Variants in SIX5 observed in about 807,000 individuals in gnomAD.
SIX5 encodes the protein SIX homeobox 5, also known as homeobox protein SIX5.
SIX5 carries 21 observed loss-of-function variants against 37.1 expected under a neutral mutation model. The observed-to-expected ratio is 0.57, with a 90% CI of 0.40 to 0.81. SIX5 has a LOEUF of 0.81. SIX5 is among the 40% of genes least tolerant of loss of function. SIX5 has a pLI of 0.00. For missense variants in SIX5, 1,137 were observed against 1,025.1 expected, an observed-to-expected ratio of 1.11 and a Z score of -1.49; for synonymous variants, 626 against 505.9, an observed-to-expected ratio of 1.24 and a Z score of -3.19.
chr19:45,766,046 C>G lies in SIX5; in HGVS notation c.1675G>C (p.Gly559Arg), dbSNP rs374039470. The G allele has an allele frequency of 1.2e-6, 2 of 1,611,658 alleles. No homozygotes were observed. Among genetic ancestry groups the G allele is most frequent in the African/African-American group, 1.3e-5 (1 of 74,862 alleles). Reference sequence around the variant, plus strand: ...AAGGTGGCGGTGAGGATGATCTTGCCCTGCTGCAGGGCCACACCCGTCACG... The same window carrying G: ...AAGGTGGCGGTGAGGATGATCTTGCGCTGCTGCAGGGCCACACCCGTCACG... ...PIVTGVALQQ[G>R]KIILTATFPT... The change falls in exon 3 of 3, where the codon GGC becomes CGC. Residue 559 changes from glycine to arginine, a missense_variant. By Grantham distance (125) the Gly-to-Arg change is moderately radical (BLOSUM62 -2). Coordinates refer to ENST00000317578, the MANE Select transcript of SIX5 (RefSeq NM_175875.5).
At chr19:45,767,763 GC>G (rs972814120) in intron 1 of SIX5, 3 of 538,268 alleles carry the variant, frequency 5.6e-6, no homozygotes, top group Non-Finnish European at 9.8e-6. Context: ...TCCCTCTAGT[GC>G]CCCCCGCAGT....
intron 1 of SIX5, 172 bp downstream of exon 1, chr19:45,767,870 G>T: frequency 1.5e-6 from 1 of 672,610 alleles, no homozygotes; most frequent in Non-Finnish European, 2.5e-6. Context: ...GCGGGTGCCT[G>T]TCCCGTCCAC....
Position 45,766,573 on chromosome 19 carries a change from A to G in SIX5, c.1386T>C (p.Tyr462=). ...QVVPLSPPPG[Y]PTGLSPTSPL... ...GGGAGGTGGGGCTCAGGCCCGTGGG[A>G]TACCCCGGGGGTGGGGAGAGCGGTA... Residue 462 remains tyrosine, a synonymous_variant, in exon 2 of 3, where the codon TAT becomes TAC. Transcript: ENST00000317578. 3 of 1,473,486 alleles carry G rather than the reference A, an allele frequency of 2.0e-6. No homozygotes were observed. Among genetic ancestry groups the G allele is most frequent in the Middle Eastern group, 1.8e-4 (1 of 5,562 alleles). The allele number at this position is 1,473,486 out of a possible 1,614,324, so 91.3% of individuals were successfully genotyped here.
chr19:45,766,190 TGGAGGGCGGGC>T, intron 2 of SIX5, 79 bp from the exon 3 acceptor site: 2 of 1,542,230 alleles, frequency 1.3e-6, no homozygotes, highest in East Asian at 4.8e-5. Context: ...ACTGTGCAGC[TGGAGGGCGGGC>T]GGAGGGAGCC....
In SIX5 at chr19:45,768,925, CT is replaced by C. The variant is rs1969161613; in HGVS notation, c.-82del. ...CAGCCTCCTCCCCCACCTGTCCCCC[CT>C]TTTCGCCCCCACTCCCCGCTCTTCT... On this transcript the variant is annotated 5_prime_UTR_variant, in exon 1 of 3. Coordinates refer to ENST00000317578, the MANE Select transcript of SIX5 (RefSeq NM_175875.5). The C allele has an allele frequency of 7.5e-7, 1 of 1,328,146 alleles. No individual in the cohort carries two copies. Among genetic ancestry groups the C allele is most frequent in the African/African-American group, 1.5e-5 (1 of 67,460 alleles). The allele number at this position is 1,328,146 out of a possible 1,614,324, so 82.3% of individuals were successfully genotyped here.
rs747451007 is a variant in SIX5, at chr19:45,765,977, C to T, written c.1744G>A (p.Gly582Ser). 6.3e-6 allele frequency: 10 copies of T among 1,587,576 alleles called. No homozygotes were observed. Among genetic ancestry groups the T allele is most frequent in the Admixed American group, 1.8e-5 (1 of 57,088 alleles). ...TCTGGCTTCAGTGGCAGGGCCAGGCCGGGGGCTGGCGGCAGGACCTGGGAG... is the reference window on the plus strand; with the variant it reads ...TCTGGCTTCAGTGGCAGGGCCAGGCTGGGGGCTGGCGGCAGGACCTGGGAG... ...LVSQVLPPAP[G>S]LALPLKPETA... Residue 582 changes from glycine (G) to serine (S), a missense_variant, in exon 3 of 3, where the codon GGC becomes AGC. Gly to Ser is a moderately conservative substitution (Grantham distance 56). Transcript: ENST00000317578.
Position 45,767,100 on chromosome 19 carries a change from G to C in SIX5, c.859C>G (p.Leu287Val), listed in dbSNP as rs1891836784. Residue 287 changes from leucine to valine, a missense_variant, in exon 2 of 3, where the codon CTG becomes GTG. Physicochemically the swap from Leu to Val is conservative, Grantham distance 32. This residue lies in a region of SIX5 where 787 missense variants were observed against 621.4 expected (regional missense o/e 1.27). Transcript: ENST00000317578. ...EDESSRSPED[L>V]ERGAAPVSAE... Reference sequence around the variant, plus strand: ...GACACTGGGGCCGCCCCTCTCTCCAGGTCCTCAGGACTTCGGCTGGACTCG... The same window carrying C: ...GACACTGGGGCCGCCCCTCTCTCCACGTCCTCAGGACTTCGGCTGGACTCG... 2 of 1,612,076 alleles carry C rather than the reference G, an allele frequency of 1.2e-6. No homozygotes were observed. The highest frequency in any genetic ancestry group is 1.7e-6 in the Non-Finnish European group (2 of 1,179,718).
At position 45,765,149 on chromosome 19, in the gene SIX5, G is replaced by A. The variant is rs1600396110; in HGVS notation, c.*352C>T. On this transcript the variant is annotated 3_prime_UTR_variant, in exon 3 of 3. Transcript: ENST00000317578. ...TGTTTCAGGGAGTGACAGGGAGAGG[G>A]CTCTGGGGGCTGGAAGTCCGGCCCT... 4.8e-6 allele frequency: 2 copies of A among 418,564 alleles called. No individual in the cohort carries two copies. Among genetic ancestry groups the A allele is most frequent in the East Asian group, 9.7e-5 (2 of 20,626 alleles). 25.9% of individuals were successfully genotyped at this position (418,564 alleles called of 1,614,324 possible). A position where few individuals can be genotyped will look rare whatever the true frequency, so the allele number is the denominator to read the frequency against.
Position 45,765,631 on chromosome 19 carries a change from G to A in SIX5, c.2090C>T (p.Pro697Leu). 6.2e-7 allele frequency: 1 copy of A among 1,612,718 alleles called. No individual in the cohort carries two copies. The highest frequency in any genetic ancestry group is 8.5e-7 in the Non-Finnish European group (1 of 1,179,586). Residue 697 changes from proline to leucine, a missense_variant, in exon 3 of 3, where the codon CCA (proline) becomes CTA (leucine). Pro to Leu is a moderately conservative substitution (Grantham distance 98). This residue lies in a region of SIX5 where 787 missense variants were observed against 621.4 expected (regional missense o/e 1.27). Transcript: ENST00000317578. Reference protein sequence around the residue: ...TQAPHTVLRLPDPDPEGLLLG... With the variant: ...TQAPHTVLRLLDPDPEGLLLG... ...GAGCAGCCCCTCAGGGTCGGGGTCTGGCAGCCTCAGCACGGTGTGGGGGGC... is the reference window on the plus strand; with the variant it reads ...GAGCAGCCCCTCAGGGTCGGGGTCTAGCAGCCTCAGCACGGTGTGGGGGGC...
chr19:45,767,180 T>TA (rs1338077252), intron 1 of SIX5, 25 bp from the exon 2 acceptor site: 5 of 1,606,144 alleles, frequency 3.1e-6, no homozygotes, highest in Non-Finnish European at 4.2e-6. Flanking sequence ...GGCTGTCAGC[T>TA]GGGGTCCCTT....
chr19:45,765,066 C>T lies in SIX5; in HGVS notation c.*435G>A, dbSNP rs1969039135. ...TCAGGGGCGCGGGGCTGCCTGTCCT[C>T]CACCTTCGGATTCCAGGCAGTTGTG... is the stretch of plus-strand genomic sequence containing the variant. On this transcript the variant is annotated 3_prime_UTR_variant, in exon 3 of 3. Coordinates refer to ENST00000317578, the MANE Select transcript of SIX5 (RefSeq NM_175875.5). The T allele has an allele frequency of 4.2e-6, 1 of 238,266 alleles. No homozygotes were observed. Among genetic ancestry groups the T allele is most frequent in the South Asian group, 5.9e-5 (1 of 16,850 alleles). The allele number at this position is 238,266 out of a possible 1,614,324, so 14.8% of individuals were successfully genotyped here.
chr19:45,767,402 G>C (rs1330689413), intron 1 of SIX5, among the ~76,000 whole-genome samples: 1 of 152,190 alleles, frequency 6.6e-6, no homozygotes, highest in Non-Finnish European at 1.5e-5. Context: ...GGTCCCCAGA[G>C]GCTGAGCTCC....
rs748875066 is a variant in SIX5 at position 45,765,866 on chromosome 19, C to T, written c.1855G>A (p.Ala619Thr). The T allele has an allele frequency of 6.3e-7, 1 of 1,597,170 alleles. No individual in the cohort carries two copies. Among genetic ancestry groups the T allele is most frequent in the East Asian group, 2.2e-5 (1 of 44,654 alleles). ...GCAGCGGCGGGGGGTGGCTGCTGTGCAGAAAGGGTGCCTAGGGCGTGAGCC... is the reference window on the plus strand; with the variant it reads ...GCAGCGGCGGGGGGTGGCTGCTGTGTAGAAAGGGTGCCTAGGGCGTGAGCC... ...PEAHALGTLS[A>T]QQPPPAAATT... Residue 619 changes from alanine (A) to threonine (T), a missense_variant, in exon 3 of 3, where the codon GCA becomes ACA. Physicochemically the swap from Ala to Thr is moderately conservative, Grantham distance 58 (BLOSUM62 0). Coordinates refer to ENST00000317578, the MANE Select transcript of SIX5 (RefSeq NM_175875.5).
At position 45,765,586 on chromosome 19, in the gene SIX5, C is replaced by A; in HGVS notation, c.2135G>T (p.Gly712Val). 6.2e-7 allele frequency: 1 copy of A among 1,613,358 alleles called. No homozygotes were observed. The highest frequency in any genetic ancestry group is 1.1e-5 in the South Asian group (1 of 91,088). ...AGCTTCCAACCCCTCGTCAACCTCA[C>A]CCCCTGCGGTGGCCCCCAGGAGCAG... Reference protein sequence around the residue: ...EGLLLGATAGGEVDEGLEAEA... With the variant: ...EGLLLGATAGVEVDEGLEAEA... Residue 712 changes from glycine to valine, a missense_variant, in exon 3 of 3, where the codon GGT (glycine) becomes GTT (valine). Transcript: ENST00000317578.
chr19:45,767,511 C>T (rs1317524779), intron 1 of SIX5, among the ~76,000 whole-genome samples: 2 of 152,114 alleles, frequency 1.3e-5, no homozygotes, highest in African/African-American at 4.8e-5. Context: ...GCCCTCCCCG[C>T]GGGGCGTCAG....
At position 45,765,587 on chromosome 19, in the gene SIX5, C is replaced by T; in HGVS notation, c.2134G>A (p.Gly712Ser). The T allele has an allele frequency of 3.1e-6, 5 of 1,613,366 alleles. No homozygotes were observed. Among genetic ancestry groups the T allele is most frequent in the Non-Finnish European group, 4.2e-6 (5 of 1,180,018 alleles). ...EGLLLGATAG[G>S]EVDEGLEAEA... ...GCTTCCAACCCCTCGTCAACCTCAC[C>T]CCCTGCGGTGGCCCCCAGGAGCAGC... Residue 712 changes from glycine (G) to serine (S), a missense_variant, in exon 3 of 3, where the codon GGT (glycine) becomes AGT (serine). Coordinates refer to ENST00000317578, the MANE Select transcript of SIX5 (RefSeq NM_175875.5).
chr19:45,768,818 G>A lies in SIX5; in HGVS notation c.27C>T (p.Ser9=). The A allele has an allele frequency of 2.0e-6, 3 of 1,519,316 alleles. No homozygotes were observed. Among genetic ancestry groups the A allele is most frequent in the Non-Finnish European group, 1.8e-6 (2 of 1,138,956 alleles). 94.1% of individuals were successfully genotyped at this position (1,519,316 alleles called of 1,614,324 possible). The change falls in exon 1 of 3, where the codon AGC becomes AGT. Residue 9 remains serine, a synonymous_variant. Transcript: ENST00000317578. ...CCTCCCCCCCAGCCGCCGGCCCCGCGCTCGGCTCCGCAGGCAAGGTAGCCA... is the reference window on the plus strand; with the variant it reads ...CCTCCCCCCCAGCCGCCGGCCCCGCACTCGGCTCCGCAGGCAAGGTAGCCA... MATLPAEP[S]AGPAAGGEAV...
Position 45,766,516 on chromosome 19 carries a change from G to A in SIX5, c.1443C>T (p.Thr481=). 1 of 1,505,404 alleles carries A rather than the reference G, an allele frequency of 6.6e-7. No homozygotes were observed. The highest frequency in any genetic ancestry group is 1.3e-5 in the South Asian group (1 of 78,004). The allele number at this position is 1,505,404 out of a possible 1,614,324, so 93.3% of individuals were successfully genotyped here. A position where few individuals can be genotyped will look rare whatever the true frequency, so the allele number is the denominator to read the frequency against. The change falls in exon 2 of 3, where the codon ACC becomes ACT. Residue 481 remains threonine, a synonymous_variant. Coordinates refer to ENST00000317578, the MANE Select transcript of SIX5 (RefSeq NM_175875.5). ...CCTGGGGCAGGGTCACCACCTGTGA[G>A]GTGGGTACTACCTGGGGCAGGTTCA... ...PLLNLPQVVP[T]SQVVTLPQAV... is the part of the protein sequence containing the mutation.
chr19:45,766,091 G>T lies in SIX5; in HGVS notation c.1630C>A (p.Pro544Thr), dbSNP rs1299136993. 1 of 1,611,868 alleles carries T rather than the reference G, an allele frequency of 6.2e-7. No individual in the cohort carries two copies. Among genetic ancestry groups the T allele is most frequent in the Non-Finnish European group, 8.5e-7 (1 of 1,179,192 alleles). Residue 544 changes from proline (P) to threonine (T), a missense_variant, in exon 3 of 3, where the codon CCT (proline) becomes ACT (threonine). Around this residue, in one of 3 missense-constraint regions of SIX5, gnomAD observed 787 missense variants for 621.4 expected, o/e 1.27. Transcript: ENST00000317578. Reference sequence around the variant, plus strand: ...GTCACGATGGGGCTGCCAGACACAGGGTTGGCCAGGAGGAAGTTTCCTGTG... The same window carrying T: ...GTCACGATGGGGCTGCCAGACACAGTGTTGGCCAGGAGGAAGTTTCCTGTG... ...TAPGNFLLAN[P>T]VSGSPIVTGV...
Sources: allele counts gnomAD v4.1 joint callset (sites outside exome capture counted in the v4.1 genomes callset), GRCh38; gene constraint gnomAD v4.1.1; regional missense constraint gnomAD v4.1.1; transcripts MANE v1.5; gene names NCBI Gene and HGNC (gene_info 2026-07-23, HGNC 2026-07-21).